CBFA2T2: variants seen among roughly 807,000 people sequenced by gnomAD.
CBFA2T2 encodes the protein CBFA2/RUNX1 partner transcriptional co-repressor 2, also known as protein CBFA2T2.
Under a neutral mutation model 62.2 loss-of-function variants are expected in CBFA2T2, and 11 were observed. The ratio of observed to expected loss-of-function variants is 0.18; its 90% confidence interval spans 0.11 to 0.29. The LOEUF is 0.29. Among genes scored for constraint, CBFA2T2 ranks in the 10% least tolerant of loss-of-function variants. The probability of loss-of-function intolerance (pLI) is 1.00; values close to 1 mark genes in which losing one functional copy is unlikely to be tolerated. For missense variants in CBFA2T2, 592 were observed against 774.1 expected (o/e 0.76, Z 2.79); for synonymous variants, 295 against 287.5 (o/e 1.03, Z -0.27).
At chr20:33,626,172 C>A (rs776817983) in intron 6 of CBFA2T2, among the ~76,000 whole-genome samples, 3 of 152,168 alleles carry the variant, frequency 2.0e-5, no homozygotes, top group Non-Finnish European at 2.9e-5. Context: ...CCCAAGAGGT[C>A]AAGACTGCAA....
intron 1 of CBFA2T2, among the ~76,000 whole-genome samples, chr20:33,513,908 G>T (rs1392160323): frequency 6.2e-4 from 86 of 139,158 alleles, no homozygotes; most frequent in Middle Eastern, 7.2e-3. Flanking sequence ...GTTTTTTTTT[G>T]TTGTTGTTGT....
intron 10 of CBFA2T2, among the ~76,000 whole-genome samples, chr20:33,642,250 A>G (rs188168583): frequency 3.8e-4 from 58 of 151,512 alleles, no homozygotes; most frequent in African/African-American, 1.3e-3. Flanking sequence ...CCTCCCTAAG[A>G]GCTGGGATTA....
At chr20:33,635,465 G>C (rs768979785) in intron 8 of CBFA2T2, among the ~76,000 whole-genome samples, 1 of 152,192 alleles carries the variant, frequency 6.6e-6, no homozygotes, top group Non-Finnish European at 1.5e-5. Flanking sequence ...CCTAGAAAGC[G>C]CCCAGTCCAC....
At position 33,543,813 on chromosome 20, in the gene CBFA2T2, C is replaced by CTAAAT. The variant is rs1392493601; in HGVS notation, c.34+53526_34+53530dup. On this transcript the variant is annotated intron_variant, in intron 1 of 10. Transcript: ENST00000342704. ...TAACCATATTTCAAAGCACTGATAA[C>CTAAAT]TAAATTAAATTAAATTAATTAATTA... Among the ~76,000 whole-genome samples, 5 of 151,990 alleles carry CTAAAT rather than the reference C, an allele frequency of 3.3e-5. No homozygotes were observed. In the East Asian group the frequency reaches 7.7e-4, roughly 23 times the overall value.
At chr20:33,557,004 CTTTTTTTTTTTTTT>C (rs751836572) in intron 1 of CBFA2T2, among the ~76,000 whole-genome samples, 12 of 46,200 alleles carry the variant, frequency 2.6e-4, no homozygotes, top group African/African-American at 1.1e-3. Flanking sequence ...GCATGCTTAT[CTTTTTTTTTTTTTT>C]TTTTTTTTTT....
intron 1 of CBFA2T2, among the ~76,000 whole-genome samples, chr20:33,545,511 C>T (rs907102461): frequency 5.9e-5 from 8 of 135,982 alleles, no homozygotes; most frequent in African/African-American, 1.8e-4. Flanking sequence ...TGCAATGGCA[C>T]GATCTCGCCT....
At chr20:33,566,630 G>C (rs1177145715) in intron 1 of CBFA2T2, among the ~76,000 whole-genome samples, 1 of 151,672 alleles carries the variant, frequency 6.6e-6, no homozygotes, top group Admixed American at 6.6e-5. Context: ...TACAAAAGTA[G>C]TAAGTCCTGA....
At chr20:33,501,207 G>C (rs1600901083) in intron 1 of CBFA2T2, among the ~76,000 whole-genome samples, 1 of 152,160 alleles carries the variant, frequency 6.6e-6, no homozygotes, top group Non-Finnish European at 1.5e-5. Flanking sequence ...AATATGTAAT[G>C]TGACCTCTGT....
intron 3 of CBFA2T2, among the ~76,000 whole-genome samples, chr20:33,617,829 T>C (rs2015767177): frequency 6.6e-6 from 1 of 152,228 alleles, no homozygotes; most frequent in Non-Finnish European, 1.5e-5. Context: ...ATGTTTAAAT[T>C]GGACATACCC....
intron 1 of CBFA2T2, among the ~76,000 whole-genome samples, chr20:33,541,551 C>T (rs1025485557): frequency 6.6e-6 from 1 of 152,224 alleles, no homozygotes; most frequent in Non-Finnish European, 1.5e-5. Flanking sequence ...GTTACTCAGG[C>T]AGTGGCTTGA....
chr20:33,541,084 T>G (rs1481982670), intron 1 of CBFA2T2, among the ~76,000 whole-genome samples: 1 of 152,206 alleles, frequency 6.6e-6, no homozygotes, highest in Non-Finnish European at 1.5e-5. Context: ...GAAATCTGGT[T>G]TCTGGAACCA....
chr20:33,501,747 C>G (rs977352657), intron 1 of CBFA2T2, among the ~76,000 whole-genome samples: 2 of 130,298 alleles, frequency 1.5e-5, no homozygotes, highest in African/African-American at 2.9e-5. Flanking sequence ...TCAAGTGATT[C>G]TCCTGCTGCA....
At chr20:33,632,666 C>G (rs745863794) in intron 8 of CBFA2T2, among the ~76,000 whole-genome samples, 7 of 151,402 alleles carry the variant, frequency 4.6e-5, no homozygotes, top group Non-Finnish European at 7.4e-5. Flanking sequence ...GACGGCTGGT[C>G]TTCAATTCCT....
At position 33,644,963 on chromosome 20, in the gene CBFA2T2, C is replaced by A; in HGVS notation, c.*317C>A. 3.2e-6 allele frequency: 1 copy of A among 315,076 alleles called. No individual in the cohort carries two copies. 19.5% of individuals were successfully genotyped at this position (315,076 alleles called of 1,614,324 possible). On this transcript the variant is annotated 3_prime_UTR_variant, in exon 11 of 11. Transcript: ENST00000342704. The stretch of plus-strand genomic sequence containing the variant: ...AGTGTAGACCACCAGCTCCCCTCCC[C>A]ATCTCCTTGAGTCAGCAGACTGTCC...
chr20:33,565,200 T>G (rs2013256510), intron 1 of CBFA2T2, among the ~76,000 whole-genome samples: 1 of 152,236 alleles, frequency 6.6e-6, no homozygotes, highest in Non-Finnish European at 1.5e-5. Flanking sequence ...ATTGTAGGTG[T>G]GAGCCACTGC....
At chr20:33,537,831 T>A (rs2012307513) in intron 1 of CBFA2T2, among the ~76,000 whole-genome samples, 1 of 152,238 alleles carries the variant, frequency 6.6e-6, no homozygotes, top group South Asian at 2.1e-4. Flanking sequence ...TTCTGGACTC[T>A]GTTCCATTGA....
intron 8 of CBFA2T2, among the ~76,000 whole-genome samples, chr20:33,635,758 G>A (rs2016609822): frequency 6.6e-6 from 1 of 152,096 alleles, no homozygotes; most frequent in African/African-American, 2.4e-5. Context: ...CATGCCTAAA[G>A]TCCTAGCTAC....
Position 33,611,502 on chromosome 20 carries a change from G to GTTTCT in CBFA2T2, c.420+184_420+188dup, listed in dbSNP as rs554197924. ...CTTGTGTAAAACTGTTTAAATGTAG[G>GTTTCT]TTTCTTTTCTTTTCTTTTCTTCTTT... is the stretch of plus-strand genomic sequence containing the variant. On this transcript the variant is annotated intron_variant, in intron 3 of 10. Coordinates refer to ENST00000342704, the MANE Select transcript of CBFA2T2 (RefSeq NM_001032999.3). Among the ~76,000 whole-genome samples the GTTTCT allele has an allele frequency of 2.2e-4, 33 of 152,136 alleles. No homozygotes were observed. The South Asian group carries it at 3.1e-3, about 14-fold the overall frequency.
rs557185418 is a variant in CBFA2T2 at position 33,521,579 on chromosome 20, A to G, written c.34+31278A>G. Among the ~76,000 whole-genome samples, 37 of 152,306 alleles carry G rather than the reference A, an allele frequency of 2.4e-4. No homozygotes were observed. In the South Asian group the frequency reaches 3.1e-3, roughly 13 times the overall value. On this transcript the variant is annotated intron_variant, in intron 1 of 10. Transcript: ENST00000342704. ...GATCTACAGCTAACATTGTTCTAAT[A>G]AACTGCATGGAGTCCAGGTGTTTTA...
Sources: allele counts gnomAD v4.1 joint callset (sites outside exome capture counted in the v4.1 genomes callset), GRCh38; gene constraint gnomAD v4.1.1; transcripts MANE v1.5; gene names NCBI Gene and HGNC (gene_info 2026-07-23, HGNC 2026-07-21).